KRTAP29-1: variants seen among roughly 807,000 people sequenced by gnomAD.
KRTAP29-1 encodes keratin-associated protein 29-1.
For missense variants in KRTAP29-1, 419 were observed against 412.1 expected (o/e 1.02, Z -0.14); for synonymous variants, 142 against 153.6 (o/e 0.92, Z 0.56).
chr17:41,302,405 G>C lies in KRTAP29-1; in HGVS notation c.447C>G (p.Val149=). 6.4e-7 allele frequency: 1 copy of C among 1,550,518 alleles called. No homozygotes were observed. Among genetic ancestry groups the C allele is most frequent in the Non-Finnish European group, 8.7e-7 (1 of 1,146,984 alleles). The part of the protein sequence containing the change: ...GSCQAACGQS[V]CCDAGSCQPS... ...GCTGGCAGGATCCAGCATCACAGCAGACTGATTGGCCACAAGCTGCCTGAC... is the reference window on the plus strand; with the variant it reads ...GCTGGCAGGATCCAGCATCACAGCACACTGATTGGCCACAAGCTGCCTGAC... The change falls in exon 1 of 1, where the codon GTC becomes GTG. Residue 149 remains valine (V), a synonymous_variant. Coordinates refer to ENST00000391353, the MANE Select transcript of KRTAP29-1 (RefSeq NM_001257309.1).
chr17:41,302,837 A>G lies in KRTAP29-1; in HGVS notation c.15T>C (p.Cys5=), dbSNP rs1166415387. 3.2e-6 allele frequency: 5 copies of G among 1,547,660 alleles called. No homozygotes were observed. The African/African-American group carries it at 6.8e-5, about 21-fold the overall frequency. ...GAATGGCTGTGGTGTTTCCAGGACA[A>G]CAGCCGTCTGCCATGGTGCTGGTGC... The part of the protein sequence containing the change: MADG[C]CPGNTTAIPA... Residue 5 remains cysteine, a synonymous_variant, in exon 1 of 1, where the codon TGT becomes TGC. Coordinates refer to ENST00000391353, the MANE Select transcript of KRTAP29-1 (RefSeq NM_001257309.1).
In KRTAP29-1 at chr17:41,302,832, G is replaced by A; in HGVS notation, c.20C>T (p.Pro7Leu). 1 of 1,548,494 alleles carries A rather than the reference G, an allele frequency of 6.5e-7. No homozygotes were observed. Among genetic ancestry groups the A allele is most frequent in the Non-Finnish European group, 8.7e-7 (1 of 1,145,360 alleles). The stretch of plus-strand genomic sequence containing the variant: ...AGCTGGAATGGCTGTGGTGTTTCCA[G>A]GACAACAGCCGTCTGCCATGGTGCT... Reference protein sequence around the residue: MADGCCPGNTTAIPAVP... With the variant: MADGCCLGNTTAIPAVP... The change falls in exon 1 of 1, where the codon CCT (proline) becomes CTT (leucine). Residue 7 changes from proline to leucine, a missense_variant. Transcript: ENST00000391353.
rs911490503 is a variant in KRTAP29-1 at position 41,302,013 on chromosome 17, G to C, written c.839C>G (p.Ala280Gly). The change falls in exon 1 of 1, where the codon GCT becomes GGT. Residue 280 changes from alanine (A) to glycine (G), a missense_variant. By Grantham distance (60) the Ala-to-Gly change is moderately conservative. Transcript: ENST00000391353. ...GCCAGAAATCACAGTGTCACAAGAAGCTGGTTTGCAACAGTTCTTTGTGGA... is the reference window on the plus strand; with the variant it reads ...GCCAGAAATCACAGTGTCACAAGAACCTGGTTTGCAACAGTTCTTTGTGGA... ...PCSTKNCCKP[A>G]SCDTVISGQP... 2 of 1,550,496 alleles carry C rather than the reference G, an allele frequency of 1.3e-6. No individual in the cohort carries two copies. The highest frequency in any genetic ancestry group is 8.7e-7 in the Non-Finnish European group (1 of 1,147,012).
Position 41,302,425 on chromosome 17 carries a change from C to T in KRTAP29-1, c.427G>A (p.Ala143Thr), listed in dbSNP as rs1382557300. The T allele has an allele frequency of 1.0e-5, 16 of 1,550,532 alleles. No homozygotes were observed. The highest frequency in any genetic ancestry group is 1.2e-5 in the Non-Finnish European group (14 of 1,146,986). Residue 143 changes from alanine to threonine, a missense_variant, in exon 1 of 1, where the codon GCA (alanine) becomes ACA (threonine). Physicochemically the swap from Ala to Thr is moderately conservative, Grantham distance 58. Coordinates refer to ENST00000391353, the MANE Select transcript of KRTAP29-1 (RefSeq NM_001257309.1). The stretch of plus-strand genomic sequence containing the variant: ...CAGCAGACTGATTGGCCACAAGCTG[C>T]CTGACATGATCCAGACATGCAGACA... The part of the protein sequence containing the change: ...ESVCMSGSCQ[A>T]ACGQSVCCDA...
In KRTAP29-1 at chr17:41,302,626, A is replaced by G. The variant is rs1261177941; in HGVS notation, c.226T>C (p.Ser76Pro). ...SCQPTRLPAT[S>P]CVGFVCQPMC... ...GGTTGGCAAACAAAACCCACACAAG[A>G]CGTTGCTGGAAGGCGGGTAGGTTGA... The change falls in exon 1 of 1, where the codon TCT (serine) becomes CCT (proline). Residue 76 changes from serine to proline, a missense_variant. By Grantham distance (74) the Ser-to-Pro change is moderately conservative. Transcript: ENST00000391353. 3.2e-6 allele frequency: 5 copies of G among 1,550,504 alleles called. No individual in the cohort carries two copies. In the African/African-American group the frequency reaches 5.5e-5, roughly 17 times the overall value.
the KRTAP29-1 span, chr17:41,302,321 TGTACAGATGGTTG>T: frequency 0.17 from 267,847 of 1,550,254 alleles, 24,629 homozygotes; most frequent in East Asian, 0.3. Context: ...ATGGACTAGC[TGTACAGATGGTTG>T]GTAGGCAAGA....
In KRTAP29-1 at chr17:41,301,903, T is replaced by A. The variant is rs1368735769; in HGVS notation, c.949A>T (p.Ser317Cys). Residue 317 changes from serine to cysteine, a missense_variant, in exon 1 of 1, where the codon AGT (serine) becomes TGT (cysteine). Ser to Cys is a moderately radical substitution (Grantham distance 112). Transcript: ENST00000391353. ...CCVTGLGTSP[S>C]SGSNCLPTSC... ...GTCGGCAAGCAATTGGAGCCACTAC[T>A]GGGTGATGTGCCTAAACCAGTCACA... The A allele has an allele frequency of 1.3e-6, 2 of 1,550,594 alleles. No homozygotes were observed. Among genetic ancestry groups the A allele is most frequent in the Middle Eastern group, 3.3e-4 (2 of 5,992 alleles).
chr17:41,302,494 A>C lies in KRTAP29-1; in HGVS notation c.358T>G (p.Cys120Gly), dbSNP rs2016846237. The change falls in exon 1 of 1, where the codon TGC becomes GGC. Residue 120 changes from cysteine to glycine, a missense_variant. Cys to Gly is a radical substitution (Grantham distance 159). Coordinates refer to ENST00000391353, the MANE Select transcript of KRTAP29-1 (RefSeq NM_001257309.1). ...CSESTCCQEK[C>G]CDASPCQQSS... ...TGCTGGCAGGGACTGGCATCGCAGC[A>C]CTTTTCCTGACAACAAGTAGATTCC... 1 of 1,550,538 alleles carries C rather than the reference A, an allele frequency of 6.4e-7. No individual in the cohort carries two copies. The highest frequency in any genetic ancestry group is 8.7e-7 in the Non-Finnish European group (1 of 1,146,956).
Position 41,302,601 on chromosome 17 carries a change from G to A in KRTAP29-1, c.251C>T (p.Pro84Leu). 17 of 1,550,652 alleles carry A rather than the reference G, an allele frequency of 1.1e-5. No homozygotes were observed. Among genetic ancestry groups the A allele is most frequent in the Non-Finnish European group, 1.5e-5 (17 of 1,147,004 alleles). ...ATAGCAGGCTGCGTGGGAGCACATA[G>A]GTTGGCAAACAAAACCCACACAAGA... ...ATSCVGFVCQ[P>L]MCSHAACYQS... is the part of the protein sequence containing the mutation. Residue 84 changes from proline to leucine, a missense_variant, in exon 1 of 1, where the codon CCT becomes CTT. Transcript: ENST00000391353.
Position 41,302,840 on chromosome 17 carries a change from G to A in KRTAP29-1, c.12C>T (p.Gly4=), listed in dbSNP as rs1214101564. The A allele has an allele frequency of 6.5e-7, 1 of 1,547,266 alleles. No homozygotes were observed. Among genetic ancestry groups the A allele is most frequent in the African/African-American group, 1.4e-5 (1 of 73,148 alleles). Residue 4 remains glycine, a synonymous_variant, in exon 1 of 1, where the codon GGC becomes GGT. Coordinates refer to ENST00000391353, the MANE Select transcript of KRTAP29-1 (RefSeq NM_001257309.1). ...TGGCTGTGGTGTTTCCAGGACAACAGCCGTCTGCCATGGTGCTGGTGCTGA... is the reference window on the plus strand; with the variant it reads ...TGGCTGTGGTGTTTCCAGGACAACAACCGTCTGCCATGGTGCTGGTGCTGA... MAD[G]CCPGNTTAIP... is the part of the protein sequence containing the mutation.
Position 41,302,244 on chromosome 17 carries a change from G to A in KRTAP29-1, c.608C>T (p.Ser203Leu), listed in dbSNP as rs2016840871. ...ATAGCAGATGGGTTGATAATAAGTT[G>A]ATTTACAGGGCTGGCCTTCACCACT... is the stretch of plus-strand genomic sequence containing the variant. The part of the protein sequence containing the change: ...PVSGEGQPCK[S>L]TYYQPICYIF... The change falls in exon 1 of 1, where the codon TCA becomes TTA. Residue 203 changes from serine (S) to leucine (L), a missense_variant. Transcript: ENST00000391353. 1 of 1,550,538 alleles carries A rather than the reference G, an allele frequency of 6.4e-7. No individual in the cohort carries two copies. Among genetic ancestry groups the A allele is most frequent in the Non-Finnish European group, 8.7e-7 (1 of 1,146,978 alleles).
rs1305212113 is a variant in KRTAP29-1, at chr17:41,302,802, G to T, written c.50C>A (p.Pro17His). The T allele has an allele frequency of 3.2e-6, 5 of 1,550,788 alleles. No homozygotes were observed. Among genetic ancestry groups the T allele is most frequent in the Non-Finnish European group, 4.4e-6 (5 of 1,147,016 alleles). Reference protein sequence around the residue: ...PGNTTAIPAVPTITTYPVKGG... With the variant: ...PGNTTAIPAVHTITTYPVKGG... The stretch of plus-strand genomic sequence containing the variant: ...TTTAACTGGGTATGTGGTGATGGTG[G>T]GCACAGCTGGAATGGCTGTGGTGTT... Residue 17 changes from proline (P) to histidine (H), a missense_variant, in exon 1 of 1, where the codon CCC becomes CAC. By Grantham distance (77) the Pro-to-His change is moderately conservative. Transcript: ENST00000391353.
rs1479506820 is a variant in KRTAP29-1 at position 41,302,403 on chromosome 17, C to T, written c.449G>A (p.Cys150Tyr). Residue 150 changes from cysteine (C) to tyrosine (Y), a missense_variant, in exon 1 of 1, where the codon TGC becomes TAC. Coordinates refer to ENST00000391353, the MANE Select transcript of KRTAP29-1 (RefSeq NM_001257309.1). Reference protein sequence around the residue: ...SCQAACGQSVCCDAGSCQPSC... With the variant: ...SCQAACGQSVYCDAGSCQPSC... The stretch of plus-strand genomic sequence containing the variant: ...TGGCTGGCAGGATCCAGCATCACAG[C>T]AGACTGATTGGCCACAAGCTGCCTG... 1.9e-6 allele frequency: 3 copies of T among 1,550,400 alleles called. No individual in the cohort carries two copies. Among genetic ancestry groups the T allele is most frequent in the Non-Finnish European group, 2.6e-6 (3 of 1,146,990 alleles).
At position 41,301,854 on chromosome 17, in the gene KRTAP29-1, G is replaced by T. The variant is rs540961591; in HGVS notation, c.998C>A (p.Ser333Tyr). Reference protein sequence around the residue: ...LPTSCQPSCESSFCKATLC With the variant: ...LPTSCQPSCEYSFCKATLC ...ACAAAGTGTTGCCTTGCAGAAGCTG[G>T]ACTCACAGCTGGGTTGGCATGAAGT... is the stretch of plus-strand genomic sequence containing the variant. Residue 333 changes from serine (S) to tyrosine (Y), a missense_variant, in exon 1 of 1, where the codon TCC becomes TAC. Transcript: ENST00000391353. The T allele has an allele frequency of 8.4e-6, 13 of 1,550,536 alleles. No homozygotes were observed. The East Asian group carries it at 2.9e-4, about 35-fold the overall frequency.
At position 41,302,352 on chromosome 17, in the gene KRTAP29-1, G is replaced by A. The variant is rs139703499; in HGVS notation, c.500C>T (p.Pro167Leu). ...GATGGTTGGTAGGCAAGAAGTTTCC[G>A]GACAGGAGGTCACTTCAGAGCAGGA... ...QPSCSEVTSC[P>L]ETSCLPTICT... is the part of the protein sequence containing the mutation. Residue 167 changes from proline to leucine, a missense_variant, in exon 1 of 1, where the codon CCG (proline) becomes CTG (leucine). Transcript: ENST00000391353. 45 of 1,550,434 alleles carry A rather than the reference G, an allele frequency of 2.9e-5. No homozygotes were observed. Among genetic ancestry groups the A allele is most frequent in the African/African-American group, 9.6e-5 (7 of 73,126 alleles).
At position 41,302,370 on chromosome 17, in the gene KRTAP29-1, G is replaced by A; in HGVS notation, c.482C>T (p.Ser161Phe). ...CDAGSCQPSC[S>F]EVTSCPETSC... ...AGTTTCCGGACAGGAGGTCACTTCA[G>A]AGCAGGATGGCTGGCAGGATCCAGC... The change falls in exon 1 of 1, where the codon TCT becomes TTT. Residue 161 changes from serine to phenylalanine, a missense_variant. Coordinates refer to ENST00000391353, the MANE Select transcript of KRTAP29-1 (RefSeq NM_001257309.1). The A allele has an allele frequency of 6.4e-7, 1 of 1,550,516 alleles. No individual in the cohort carries two copies. Among genetic ancestry groups the A allele is most frequent in the East Asian group, 2.4e-5 (1 of 40,910 alleles).
rs1210228592 is a variant in KRTAP29-1 at position 41,302,175 on chromosome 17, C to A, written c.677G>T (p.Cys226Phe). The A allele has an allele frequency of 6.4e-7, 1 of 1,550,462 alleles. No homozygotes were observed. The highest frequency in any genetic ancestry group is 1.4e-5 in the African/African-American group (1 of 73,032). The change falls in exon 1 of 1, where the codon TGC becomes TTC. Residue 226 changes from cysteine to phenylalanine, a missense_variant. By Grantham distance (205) the Cys-to-Phe change is radical (BLOSUM62 -2). Transcript: ENST00000391353. ...ACTGAACACACAAGTCGATGGCTGG[C>A]AGGGAACAGGCATGTAGAGGGCTGA... ...CQSALYMPVP[C>F]QPSTCVFSSC...
chr17:41,302,793 G>A lies in KRTAP29-1; in HGVS notation c.59C>T (p.Thr20Ile). Residue 20 changes from threonine to isoleucine, a missense_variant, in exon 1 of 1, where the codon ACC becomes ATC. By Grantham distance (89) the Thr-to-Ile change is moderately conservative. Coordinates refer to ENST00000391353, the MANE Select transcript of KRTAP29-1 (RefSeq NM_001257309.1). ...AAATCCACCTTTAACTGGGTATGTG[G>A]TGATGGTGGGCACAGCTGGAATGGC... ...TTAIPAVPTI[T>I]TYPVKGGFRH... 1 of 1,550,878 alleles carries A rather than the reference G, an allele frequency of 6.4e-7. No homozygotes were observed. The highest frequency in any genetic ancestry group is 8.7e-7 in the Non-Finnish European group (1 of 1,147,066).
Position 41,302,214 on chromosome 17 carries a change from A to G in KRTAP29-1, c.638T>C (p.Phe213Ser). Reference protein sequence around the residue: ...STYYQPICYIFKPCQSALYMP... With the variant: ...STYYQPICYISKPCQSALYMP... ...GTAGAGGGCTGATTGGCAAGGCTTG[A>G]AAATATAGCAGATGGGTTGATAATA... The change falls in exon 1 of 1, where the codon TTC becomes TCC. Residue 213 changes from phenylalanine to serine, a missense_variant. By Grantham distance (155) the Phe-to-Ser change is radical (BLOSUM62 -2). Transcript: ENST00000391353. 6.4e-7 allele frequency: 1 copy of G among 1,550,476 alleles called. No homozygotes were observed. The highest frequency in any genetic ancestry group is 8.7e-7 in the Non-Finnish European group (1 of 1,146,974).
Sources: allele counts gnomAD v4.1 joint callset, GRCh38; gene constraint gnomAD v4.1.1; transcripts MANE v1.5; gene names NCBI Gene and HGNC (gene_info 2026-07-23, HGNC 2026-07-21).